CCDC73: variants seen among roughly 807,000 people sequenced by gnomAD.
CCDC73 encodes the protein coiled-coil domain containing 73, also known as coiled-coil domain-containing protein 73.
A neutral mutation model predicts 116.5 loss-of-function variants in CCDC73; 95 were observed. That is an observed-to-expected ratio of 0.82 (90% CI 0.69 to 0.97). The LOEUF (loss-of-function observed/expected upper bound fraction) is 0.97. Ranked by LOEUF, CCDC73 falls within the 50% of genes least tolerant of loss-of-function variation. The pLI, the probability that CCDC73 is intolerant of heterozygous loss-of-function variation, is 0.00. For missense variants in CCDC73, 1,066 were observed against 1,206.8 expected, an observed-to-expected ratio of 0.88 and a Z score of 1.73; for synonymous variants, 398 against 401.3, an observed-to-expected ratio of 0.99 and a Z score of 0.10.
intron 1 of CCDC73, among the ~76,000 whole-genome samples, chr11:32,787,785 C>A (rs1439811160): frequency 6.6e-6 from 1 of 152,104 alleles, no homozygotes; most frequent in Non-Finnish European, 1.5e-5. Context: ...AAAAAAGATA[C>A]AGAACAATCA....
intron 1 of CCDC73, among the ~76,000 whole-genome samples, chr11:32,782,712 T>C (rs1423546850): frequency 1.3e-5 from 2 of 152,190 alleles, no homozygotes; most frequent in African/African-American, 4.8e-5. Flanking sequence ...AATTATTTTC[T>C]TATCCATAGT....
intron 13 of CCDC73, among the ~76,000 whole-genome samples, chr11:32,640,981 A>T (rs1855727373): frequency 6.6e-6 from 1 of 151,832 alleles, no homozygotes; most frequent in South Asian, 2.1e-4. Flanking sequence ...CGTCCACGGC[A>T]CTCTAGCCTG....
At chr11:32,772,427 T>C (rs762946102) in intron 1 of CCDC73, among the ~76,000 whole-genome samples, 2 of 152,128 alleles carry the variant, frequency 1.3e-5, no homozygotes, top group African/African-American at 2.4e-5. Flanking sequence ...TTTAATTAGA[T>C]CCTAGATAGA....
In CCDC73 at chr11:32,665,335, G is replaced by C. The variant is rs1388536075; in HGVS notation, c.645+10230C>G. 3.3e-5 allele frequency among the ~76,000 whole-genome samples: 5 copies of C among 152,120 alleles called. No individual in the cohort carries two copies. In the South Asian group the frequency reaches 1.0e-3, roughly 32 times the overall value. ...TCTAAGGACTTGCTTTATGAATCTGGGTGCTCCTGTATTGGGTGCATATAT... is the reference window on the plus strand; with the variant it reads ...TCTAAGGACTTGCTTTATGAATCTGCGTGCTCCTGTATTGGGTGCATATAT... On this transcript the variant is annotated intron_variant, in intron 9 of 17. Transcript: ENST00000335185.
intron 4 of CCDC73, among the ~76,000 whole-genome samples, chr11:32,701,644 C>T (rs1422393148): frequency 1.3e-5 from 2 of 152,012 alleles, no homozygotes; most frequent in East Asian, 1.9e-4. Context: ...GCTGAGATCA[C>T]GCTACTGCAC....
chr11:32,691,445 C>T (rs977698327), intron 6 of CCDC73, among the ~76,000 whole-genome samples: 1 of 152,142 alleles, frequency 6.6e-6, no homozygotes, highest in Admixed American at 6.5e-5. Flanking sequence ...TTGTATTTCC[C>T]TGATGACACA....
At chr11:32,653,297 A>C in intron 11 of CCDC73, 70 bp from the exon 12 acceptor site, 1 of 971,174 alleles carries the variant, frequency 1.0e-6, no homozygotes, top group Admixed American at 2.2e-5. Flanking sequence ...CATTCTTCAC[A>C]TACATTTTCT....
chr11:32,649,723 A>G (rs1855809817), intron 12 of CCDC73, among the ~76,000 whole-genome samples: 1 of 152,202 alleles, frequency 6.6e-6, no homozygotes, highest in Admixed American at 6.5e-5. Context: ...AAATGTCAAT[A>G]TAAGGTCATC....
intron 3 of CCDC73, among the ~76,000 whole-genome samples, chr11:32,706,524 A>G (rs1346784150): frequency 6.6e-6 from 1 of 152,224 alleles, no homozygotes; most frequent in East Asian, 1.9e-4. Context: ...TTATACGCAG[A>G]AAGTACATTA....
intron 11 of CCDC73, 35 bp downstream of exon 11, chr11:32,653,943 A>C (rs1180028785): frequency 2.5e-6 from 4 of 1,580,020 alleles, no homozygotes; most frequent in Non-Finnish European, 3.4e-6. Context: ...TTTTTAGAAT[A>C]TTTACTGGCT....
the CCDC73 span, among the ~76,000 whole-genome samples, chr11:32,808,853 T>C: frequency 6.6e-6 from 1 of 152,228 alleles, no homozygotes; most frequent in Non-Finnish European, 1.5e-5. Flanking sequence ...TTTATAATCC[T>C]ACTACTCAGA....
chr11:32,678,580 C>T (rs1231888354), intron 7 of CCDC73, among the ~76,000 whole-genome samples: 2 of 152,082 alleles, frequency 1.3e-5, no homozygotes, highest in South Asian at 2.1e-4. Flanking sequence ...ATAAGCATGG[C>T]CTTTTAAAAA....
At chr11:32,807,509 G>A in the CCDC73 span, among the ~76,000 whole-genome samples, 5 of 152,054 alleles carry the variant, frequency 3.3e-5, no homozygotes. Context: ...ATGGCTTGTG[G>A]GCTGCATGTG....
chr11:32,622,315 A>C (rs943104498), intron 14 of CCDC73, among the ~76,000 whole-genome samples: 3 of 152,236 alleles, frequency 2.0e-5, no homozygotes, highest in Admixed American at 2.0e-4. Context: ...TACACCATGT[A>C]ATACAATGCA....
intron 1 of CCDC73, among the ~76,000 whole-genome samples, chr11:32,763,978 G>A (rs926047832): frequency 5.3e-5 from 8 of 152,200 alleles, no homozygotes; most frequent in African/African-American, 1.9e-4. Flanking sequence ...ACAAGCTTCA[G>A]CAACGGATTT....
chr11:32,658,020 C>G (rs1261078171), intron 9 of CCDC73, among the ~76,000 whole-genome samples: 5 of 107,142 alleles, frequency 4.7e-5, no homozygotes, highest in Admixed American at 8.6e-5. Flanking sequence ...ACCCTAGTCT[C>G]TTTAAAAAAA....
intron 9 of CCDC73, among the ~76,000 whole-genome samples, chr11:32,664,390 C>A (rs114089001): frequency 8.8e-4 from 134 of 152,270 alleles, no homozygotes; most frequent in African/African-American, 3.1e-3. Context: ...GATTCAACTT[C>A]TTTGTCGTTT....
At chr11:32,637,205 G>A (rs11822904) in intron 13 of CCDC73, among the ~76,000 whole-genome samples, 4,226 of 151,528 alleles carry the variant, frequency 0.028, 71 homozygotes, top group Non-Finnish European at 0.04. Context: ...TTTTTAGAGA[G>A]TTTCACTATG....
chr11:32,727,299 A>G (rs1399610600), intron 2 of CCDC73, among the ~76,000 whole-genome samples: 1 of 152,186 alleles, frequency 6.6e-6, no homozygotes, highest in African/African-American at 2.4e-5. Flanking sequence ...TCTTCCAGGT[A>G]TCTCCACTGT....
Sources: allele counts gnomAD v4.1 joint callset (sites outside exome capture counted in the v4.1 genomes callset), GRCh38; gene constraint gnomAD v4.1.1; transcripts MANE v1.5; gene names NCBI Gene and HGNC (gene_info 2026-07-23, HGNC 2026-07-21).